The following ABLIM1 variants were observed in gnomAD, a reference collection of about 807,000 sequenced individuals.
The protein encoded by ABLIM1 is actin-binding LIM protein 1.
Under a neutral mutation model 107.0 loss-of-function variants are expected in ABLIM1, and 40 were observed. The ratio of observed to expected loss-of-function variants is 0.37; its 90% confidence interval spans 0.29 to 0.49. The LOEUF (loss-of-function observed/expected upper bound fraction) is 0.49. Among genes scored for constraint, ABLIM1 ranks in the 20% least tolerant of loss-of-function variants. ABLIM1 has a pLI of 0.97. For missense variants in ABLIM1, 857 were observed against 1,008.5 expected, an observed-to-expected ratio of 0.85 and a Z score of 2.04; for synonymous variants, 357 against 357.3, an observed-to-expected ratio of 1.00 and a Z score of 0.01.
intron 10 of ABLIM1, among the ~76,000 whole-genome samples, chr10:114,468,925 G>C (rs975986509): frequency 6.6e-6 from 1 of 151,812 alleles, no homozygotes; most frequent in African/African-American, 2.4e-5. Flanking sequence ...GGTGGCGGGC[G>C]CCTGTAGTCC....
At chr10:114,544,790 T>A (rs546583075) in intron 6 of ABLIM1, among the ~76,000 whole-genome samples, 1 of 152,172 alleles carries the variant, frequency 6.6e-6, no homozygotes, top group Non-Finnish European at 1.5e-5. Context: ...CATTCTTTTT[T>A]TTTTCCTGTG....
intron 1 of ABLIM1, chr10:114,632,143 C>G: frequency 1.0e-6 from 1 of 985,404 alleles, no homozygotes. Flanking sequence ...TCCGCCCGCC[C>G]GCCGAGCTGC....
chr10:114,455,662 A>C (rs1253232624), intron 12 of ABLIM1, among the ~76,000 whole-genome samples: 1 of 152,190 alleles, frequency 6.6e-6, no homozygotes, highest in African/African-American at 2.4e-5. Context: ...TGATTGAAGG[A>C]GGCCAATTAA....
intron 1 of ABLIM1, among the ~76,000 whole-genome samples, chr10:114,642,087 G>T (rs1427780798): frequency 6.6e-6 from 1 of 151,906 alleles, no homozygotes; most frequent in African/African-American, 2.4e-5. Context: ...TAGTGACAGG[G>T]TCTTGCTATT....
intron 1 of ABLIM1, among the ~76,000 whole-genome samples, chr10:114,767,892 G>C (rs1215406074): frequency 6.6e-6 from 1 of 152,062 alleles, no homozygotes; most frequent in African/African-American, 2.4e-5. Flanking sequence ...GGTCAAGGGC[G>C]AGGGCTTCCT....
chr10:114,797,694 T>C, the ABLIM1 span, among the ~76,000 whole-genome samples: 4 of 152,338 alleles, frequency 2.6e-5, no homozygotes, highest in South Asian at 6.2e-4. Flanking sequence ...CATGTGGCTA[T>C]TGAGCACTTG....
Position 114,550,918 on chromosome 10 carries a change from A to G in ABLIM1, c.674-3142T>C, listed in dbSNP as rs76545816. Reference sequence around the variant, plus strand: ...TTCAATAGAATTTTTAAAAGAGAAAATCAACTTTCAGAGATGGCTTTTCAT... The same window carrying G: ...TTCAATAGAATTTTTAAAAGAGAAAGTCAACTTTCAGAGATGGCTTTTCAT... On this transcript the variant is annotated intron_variant, in intron 4 of 22. Coordinates refer to ENST00000533213, the MANE Select transcript of ABLIM1 (RefSeq NM_002313.7). 6.0e-3 allele frequency among the ~76,000 whole-genome samples: 917 copies of G among 152,346 alleles called. 27 individuals are homozygous for G. The East Asian group carries it at 0.078, about 13-fold the overall frequency.
chr10:114,704,260 A>ATCTCTCTCTCTCTCTC (rs1346726796), intron 1 of ABLIM1, among the ~76,000 whole-genome samples: 2 of 50,062 alleles, frequency 4.0e-5, no homozygotes, highest in Admixed American at 1.9e-4. Flanking sequence ...CTGACACTCT[A>ATCTCTCTCTCTCTCTC]TCTCTCTCTC....
chr10:114,493,625 T>A (rs1311900796), intron 6 of ABLIM1, among the ~76,000 whole-genome samples: 1 of 152,114 alleles, frequency 6.6e-6, no homozygotes, highest in East Asian at 1.9e-4. Context: ...TAAAAACCAT[T>A]ATTTCCTATT....
chr10:114,443,787 G>T (rs1219181808), intron 17 of ABLIM1, among the ~76,000 whole-genome samples: 1 of 151,954 alleles, frequency 6.6e-6, no homozygotes, highest in Admixed American at 6.6e-5. Flanking sequence ...AGTATATGGG[G>T]ATTGGCCTTC....
intron 1 of ABLIM1, among the ~76,000 whole-genome samples, chr10:114,767,547 C>T (rs899693408): frequency 4.6e-5 from 7 of 151,724 alleles, no homozygotes; most frequent in African/African-American, 7.3e-5. Flanking sequence ...TGTTTTACTC[C>T]AGAAAGAAAA....
At chr10:114,719,606 C>G (rs2081791604) in intron 1 of ABLIM1, among the ~76,000 whole-genome samples, 1 of 152,196 alleles carries the variant, frequency 6.6e-6, no homozygotes, top group Non-Finnish European at 1.5e-5. Flanking sequence ...ATAAGGGCAT[C>G]TCTCTCTGTG....
chr10:114,668,863 C>T (rs777104677), intron 1 of ABLIM1, among the ~76,000 whole-genome samples: 6 of 152,140 alleles, frequency 3.9e-5, no homozygotes, highest in Admixed American at 6.5e-5. Context: ...CTAGGTCTCA[C>T]GGAAAGTCAG....
intron 16 of ABLIM1, 94 bp from the exon 17 acceptor site, chr10:114,444,228 A>C (rs1289027198): frequency 8.1e-6 from 9 of 1,105,560 alleles, no homozygotes; most frequent in Non-Finnish European, 1.2e-5. Flanking sequence ...AGATCCCACA[A>C]GAAGTTTCTC....
intron 1 of ABLIM1, among the ~76,000 whole-genome samples, chr10:114,617,256 C>CTTTTTTTTTTTTTTTT (rs780987027): frequency 8.3e-6 from 1 of 120,466 alleles, no homozygotes; most frequent in Non-Finnish European, 1.7e-5. Flanking sequence ...TCACTACCTA[C>CTTTTTTTTTTTTTTTT]TTTTTTTTTT....
At chr10:114,601,773 A>G (rs765354243) in intron 2 of ABLIM1, 54 bp downstream of exon 2, 1 of 1,613,678 alleles carries the variant, frequency 6.2e-7, no homozygotes, top group East Asian at 2.2e-5. Flanking sequence ...GCTGGACCCA[A>G]GGCAAGCCCC....
intron 1 of ABLIM1, among the ~76,000 whole-genome samples, chr10:114,710,681 T>C (rs1306301570): frequency 1.3e-5 from 2 of 152,150 alleles, no homozygotes; most frequent in Non-Finnish European, 2.9e-5. Flanking sequence ...ACTTGGGAGC[T>C]GGGGTGGGAG....
chr10:114,522,889 G>A (rs11196777), intron 6 of ABLIM1, among the ~76,000 whole-genome samples: 3,483 of 152,260 alleles, frequency 0.023, 50 homozygotes, highest in Non-Finnish European at 0.034. Flanking sequence ...GGTGGCTCAC[G>A]CCTGTAATCC....
At chr10:114,724,249 T>C (rs1481143678) in intron 1 of ABLIM1, among the ~76,000 whole-genome samples, 1 of 152,184 alleles carries the variant, frequency 6.6e-6, no homozygotes, top group Admixed American at 6.5e-5. Context: ...TAGGTGTTGG[T>C]CCTTGAGTAA....
Sources: allele counts gnomAD v4.1 joint callset (sites outside exome capture counted in the v4.1 genomes callset), GRCh38; gene constraint gnomAD v4.1.1; transcripts MANE v1.5; gene names NCBI Gene and HGNC (gene_info 2026-07-23, HGNC 2026-07-21).